Variants in TANK observed in about 807,000 individuals in gnomAD.
TANK encodes the protein TRAF family member associated NFKB activator, also known as TRAF family member-associated NF-kappa-B activator.
A neutral mutation model predicts 43.6 loss-of-function variants in TANK; 15 were observed. The ratio of observed to expected loss-of-function variants is 0.34; its 90% CI spans 0.23 to 0.53. The LOEUF (loss-of-function observed/expected upper bound fraction) is 0.53. TANK is among the 20% of genes least tolerant of loss of function. TANK has a pLI of 0.94. For synonymous variants in TANK, 162 were observed against 178.2 expected (o/e 0.91, Z 0.73); for missense variants, 417 against 498.6 (o/e 0.84, Z 1.56).
intron 2 of TANK, among the ~76,000 whole-genome samples, chr2:161,193,036 A>G (rs1685990855): frequency 6.6e-6 from 1 of 152,208 alleles, no homozygotes; most frequent in African/African-American, 2.4e-5. Context: ...CTTTTTAGCA[A>G]GAGAGGCTAG....
chr2:161,191,349 C>T (rs1685906807), intron 2 of TANK, among the ~76,000 whole-genome samples: 1 of 152,106 alleles, frequency 6.6e-6, no homozygotes, highest in Admixed American at 6.5e-5. Flanking sequence ...CCTCACTCCC[C>T]AGGGCTATCC....
intron 2 of TANK, among the ~76,000 whole-genome samples, chr2:161,183,307 A>G (rs950813370): frequency 2.0e-5 from 3 of 152,194 alleles, no homozygotes; most frequent in African/African-American, 7.2e-5. Flanking sequence ...AGCGCACAGT[A>G]TGAGAGAGGG....
In TANK at chr2:161,204,660, GT is replaced by G; in HGVS notation, c.209-10del. On this transcript the variant is annotated splice_polypyrimidine_tract_variant and intron_variant, in intron 3 of 7. Transcript: ENST00000392749. ...AGGGTTTTCTGCTAATGTCCAAGAGGTTTTTGTCTTGCAGATAACAATTATG... is the reference window on the plus strand; with the variant it reads ...AGGGTTTTCTGCTAATGTCCAAGAGGTTTTGTCTTGCAGATAACAATTATG... 1 of 1,599,076 alleles carries G rather than the reference GT, an allele frequency of 6.3e-7. No homozygotes were observed. The highest frequency in any genetic ancestry group is 8.5e-7 in the Non-Finnish European group (1 of 1,174,726).
At chr2:161,138,026 GCA>G (rs869135371) in intron 1 of TANK, 2 of 608,704 alleles carry the variant, frequency 3.3e-6, no homozygotes, top group South Asian at 7.5e-5. Context: ...CTCATAAAAA[GCA>G]CATGATAGTG....
intron 2 of TANK, chr2:161,201,235 T>A (rs879753366): frequency 3.6e-5 from 35 of 973,342 alleles, no homozygotes; most frequent in Admixed American, 6.2e-5. Context: ...AACTTCAATT[T>A]GAAATAGCCA....
chr2:161,216,369 C>G, intron 4 of TANK: 1 of 466,864 alleles, frequency 2.1e-6, no homozygotes, highest in Non-Finnish European at 4.4e-6. Context: ...CCTGCTTTCT[C>G]TTTTTTACCT....
At chr2:161,154,339 G>C (rs753145782) in intron 1 of TANK, among the ~76,000 whole-genome samples, 2 of 152,174 alleles carry the variant, frequency 1.3e-5, no homozygotes, top group Non-Finnish European at 2.9e-5. Context: ...AAAATCACCA[G>C]GAAGAAGCAG....
chr2:161,173,067 C>T (rs1033589060), intron 1 of TANK, among the ~76,000 whole-genome samples: 7 of 152,116 alleles, frequency 4.6e-5, no homozygotes, highest in Non-Finnish European at 1.0e-4. Context: ...GAGTGACATT[C>T]GAGGTCTACT....
chr2:161,162,854 T>A (rs1684506905), intron 1 of TANK: 1 of 152,162 alleles, frequency 6.6e-6, no homozygotes. Flanking sequence ...ATTCATTACT[T>A]CTTAACATTT....
intron 4 of TANK, among the ~76,000 whole-genome samples, chr2:161,207,026 T>C (rs535622427): frequency 3.5e-4 from 53 of 152,252 alleles, no homozygotes; most frequent in Non-Finnish European, 7.2e-4. Context: ...TTTTGTTTTT[T>C]TTAATTTGGA....
Position 161,224,745 on chromosome 2 carries a change from T to C in TANK, c.519T>C (p.Thr173=), listed in dbSNP as rs1687525317. The C allele has an allele frequency of 1.3e-6, 2 of 1,484,032 alleles. No individual in the cohort carries two copies. The highest frequency in any genetic ancestry group is 1.8e-6 in the Non-Finnish European group (2 of 1,097,856). 91.9% of individuals were successfully genotyped at this position (1,484,032 alleles called of 1,614,324 possible). A position where few individuals can be genotyped will look rare whatever the true frequency, so the allele number is the denominator to read the frequency against. ...AACTTAATATACCAGACACTGCAAC[T>C]GGTAAGATTTAATTTAATTTACAGT... is the stretch of plus-strand genomic sequence containing the variant. ...LSKLNIPDTA[T]ETQCSVPIQC... is the part of the protein sequence containing the mutation. The change falls in exon 6 of 8, where the codon ACT becomes ACC. Residue 173 remains threonine (T), a splice_region_variant and synonymous_variant. Transcript: ENST00000392749.
chr2:161,194,624 G>C (rs1574016902), intron 2 of TANK, among the ~76,000 whole-genome samples: 1 of 152,248 alleles, frequency 6.6e-6, no homozygotes, highest in East Asian at 1.9e-4. Flanking sequence ...TAAGCGATAA[G>C]GACCGTTTTG....
chr2:161,183,445 G>C (rs1203938533), intron 2 of TANK, among the ~76,000 whole-genome samples: 1 of 151,920 alleles, frequency 6.6e-6, no homozygotes, highest in East Asian at 1.9e-4. Flanking sequence ...TTAAGAAACC[G>C]TGACAATTCT....
chr2:161,181,169 C>T (rs1229105294), intron 2 of TANK, among the ~76,000 whole-genome samples: 3 of 152,238 alleles, frequency 2.0e-5, no homozygotes, highest in Non-Finnish European at 2.9e-5. Context: ...GCCTGTAATC[C>T]CAGCACTTTG....
chr2:161,139,490 A>G (rs992385145), intron 1 of TANK, among the ~76,000 whole-genome samples: 5 of 152,198 alleles, frequency 3.3e-5, no homozygotes, highest in African/African-American at 1.2e-4. Flanking sequence ...CTGTTACACA[A>G]GAGAGTCATT....
At chr2:161,209,484 A>G (rs1686787057) in intron 4 of TANK, among the ~76,000 whole-genome samples, 1 of 152,200 alleles carries the variant, frequency 6.6e-6, no homozygotes, top group African/African-American at 2.4e-5. Flanking sequence ...CACTTTTTTA[A>G]AAACCAGGAT....
At chr2:161,171,723 G>C (rs1269985078) in intron 1 of TANK, among the ~76,000 whole-genome samples, 1 of 152,070 alleles carries the variant, frequency 6.6e-6, no homozygotes, top group Non-Finnish European at 1.5e-5. Context: ...CCTCCATAGT[G>C]GTTTTTTCTG....
chr2:161,217,262 C>T (rs987983131), intron 4 of TANK, among the ~76,000 whole-genome samples: 33 of 152,162 alleles, frequency 2.2e-4, no homozygotes, highest in African/African-American at 7.0e-4. Flanking sequence ...CTTTTAGCCT[C>T]GCACAACCTG....
At chr2:161,170,472 A>G (rs373063723) in intron 1 of TANK, among the ~76,000 whole-genome samples, 3 of 152,220 alleles carry the variant, frequency 2.0e-5, no homozygotes, top group African/African-American at 7.2e-5. Context: ...AGAATAATTA[A>G]AAAGCAGATC....
Sources: gnomAD v4.1 joint callset for allele counts (sites outside exome capture counted in the v4.1 genomes callset) on GRCh38, gnomAD v4.1.1 for gene constraint, MANE v1.5 for transcripts, NCBI Gene and HGNC (gene_info 2026-07-23, HGNC 2026-07-21) for gene names.